Variants in DYNC1I2 observed in about 807,000 individuals in gnomAD.
The protein encoded by DYNC1I2 is dynein cytoplasmic 1 intermediate chain 2.
Under a neutral mutation model 88.6 loss-of-function variants are expected in DYNC1I2, and 53 were observed. The ratio of observed to expected loss-of-function variants is 0.60; its 90% confidence interval spans 0.48 to 0.75. DYNC1I2 has a LOEUF of 0.75. DYNC1I2 is among the 30% of genes least tolerant of loss of function. DYNC1I2 has a pLI of 0.00. For missense variants in DYNC1I2, 458 were observed against 766.6 expected (o/e 0.60, Z 4.75); for synonymous variants, 198 against 254.6 (o/e 0.78, Z 2.12).
intron 7 of DYNC1I2, among the ~76,000 whole-genome samples, chr2:171,721,819 A>G (rs1024705935): frequency 1.3e-5 from 2 of 152,184 alleles, no homozygotes; most frequent in African/African-American, 2.4e-5. Flanking sequence ...GACAACAAAC[A>G]TATTTCCTAA....
intron 15 of DYNC1I2, among the ~76,000 whole-genome samples, chr2:171,736,093 A>G (rs1285492461): frequency 6.6e-6 from 1 of 152,210 alleles, no homozygotes; most frequent in Non-Finnish European, 1.5e-5. Context: ...GCATTAAAAC[A>G]GGGTTAAAAG....
At chr2:171,700,642 G>GT (rs1010451217) in intron 3 of DYNC1I2, among the ~76,000 whole-genome samples, 5 of 143,026 alleles carry the variant, frequency 3.5e-5, no homozygotes, top group African/African-American at 1.4e-4. Flanking sequence ...TTTGTTTTTT[G>GT]TTTTTTTGAG....
chr2:171,707,550 G>T (rs556946911), intron 5 of DYNC1I2, among the ~76,000 whole-genome samples, 173 bp downstream of exon 5: 7 of 150,704 alleles, frequency 4.6e-5, no homozygotes, highest in East Asian at 1.9e-4. Flanking sequence ...AGGTTTCTTT[G>T]TTTTTTTTTA....
chr2:171,728,006 C>T (rs764662041), intron 12 of DYNC1I2, 39 bp downstream of exon 12: 2 of 1,600,950 alleles, frequency 1.2e-6, no homozygotes, highest in African/African-American at 1.3e-5. Flanking sequence ...CTTCTGTGCT[C>T]CTTCATCCTT....
intron 1 of DYNC1I2, among the ~76,000 whole-genome samples, chr2:171,689,259 T>C (rs1685204032): frequency 6.6e-6 from 1 of 152,226 alleles, no homozygotes; most frequent in Admixed American, 6.5e-5. Flanking sequence ...CAAATAATTG[T>C]ACTAAAAGTG....
In DYNC1I2 at chr2:171,729,281, TC is replaced by T. The variant is rs1346495474; in HGVS notation, c.1392-426del. 3.3e-5 allele frequency among the ~76,000 whole-genome samples: 5 copies of T among 152,176 alleles called. No homozygotes were observed. The East Asian group carries it at 7.7e-4, about 23-fold the overall frequency. On this transcript the variant is annotated intron_variant, in intron 14 of 17. Transcript: ENST00000397119. ...TTTTAAACTGAGTAATATTTCTCCT[TC>T]CGTTCTGTCTGTTTTGAAATTGTCT...
chr2:171,728,661 A>G, intron 13 of DYNC1I2, 56 bp from the exon 14 acceptor site: 1 of 1,420,002 alleles, frequency 7.0e-7, no homozygotes, highest in Non-Finnish European at 9.3e-7. Context: ...AAGTTTTTCT[A>G]CAGAAATTTA....
chr2:171,708,026 A>T (rs1318249807), intron 5 of DYNC1I2, among the ~76,000 whole-genome samples: 2 of 151,550 alleles, frequency 1.3e-5, no homozygotes, highest in African/African-American at 4.8e-5. Flanking sequence ...TTCAAAGATC[A>T]TATTGGGAAA....
intron 15 of DYNC1I2, among the ~76,000 whole-genome samples, chr2:171,743,651 T>C (rs1689596473): frequency 2.0e-5 from 3 of 152,248 alleles, no homozygotes. Flanking sequence ...GATTCTGCTG[T>C]AGATGCTGTC....
intron 7 of DYNC1I2, 24 bp downstream of exon 7, chr2:171,715,467 T>C (rs970349121): frequency 7.0e-7 from 1 of 1,430,842 alleles, no homozygotes; most frequent in Non-Finnish European, 9.6e-7. Flanking sequence ...CTTAGTATAA[T>C]TGTCATTGAG....
At position 171,747,760 on chromosome 2, in the gene DYNC1I2, G is replaced by A. The variant is rs561420136; in HGVS notation, c.1804-16G>A. ...TTTATTTCATTGTATATAAAACATT[G>A]TCTTTCTTTTAACAGCAGATTGCTG... On this transcript the variant is annotated splice_polypyrimidine_tract_variant and intron_variant, in intron 17 of 17. Transcript: ENST00000397119. 38 of 1,556,456 alleles carry A rather than the reference G, an allele frequency of 2.4e-5. No homozygotes were observed. In the African/African-American group the frequency reaches 2.7e-4, roughly 11 times the overall value.
rs950816872 is a variant in DYNC1I2 at position 171,714,200 on chromosome 2, CCTTT to C, written c.396-1123_396-1120del. Reference sequence around the variant, plus strand: ...ATTCTTTGACTATACTTTTTTTTTCCCTTTCTTTTTTATTTCTAAACTAGAAAAG... The same window carrying C: ...ATTCTTTGACTATACTTTTTTTTTCCCTTTTTTATTTCTAAACTAGAAAAG... On this transcript the variant is annotated intron_variant, in intron 6 of 17. Transcript: ENST00000397119. 7.7e-4 allele frequency among the ~76,000 whole-genome samples: 117 copies of C among 151,102 alleles called. 1 individual carries two copies. Among genetic ancestry groups the C allele is most frequent in the South Asian group, 3.8e-3 (18 of 4,784 alleles).
rs932279118 is a variant in DYNC1I2, at chr2:171,729,926, A to G, written c.1536+73A>G. The stretch of plus-strand genomic sequence containing the variant: ...GGTGGTGATCTAATACTACATAGGA[A>G]TGATGAAAACCTTTTAAATCATAAT... On this transcript the variant is annotated intron_variant, in intron 15 of 17. Transcript: ENST00000397119. 4 of 1,531,370 alleles carry G rather than the reference A, an allele frequency of 2.6e-6. No homozygotes were observed. The African/African-American group carries it at 4.1e-5, about 16-fold the overall frequency. The allele number at this position is 1,531,370 out of a possible 1,614,324, so 94.9% of individuals were successfully genotyped here.
intron 15 of DYNC1I2, among the ~76,000 whole-genome samples, chr2:171,733,028 TCTC>T (rs1199557729): frequency 6.6e-6 from 1 of 152,140 alleles, no homozygotes; most frequent in Non-Finnish European, 1.5e-5. Context: ...TATGAGTTGT[TCTC>T]CTCTATGTGT....
At chr2:171,746,115 T>G (rs16859809) in intron 17 of DYNC1I2, among the ~76,000 whole-genome samples, 188 bp downstream of exon 17, 2,501 of 152,324 alleles carry the variant, frequency 0.016, 56 homozygotes, top group African/African-American at 0.053. Context: ...AATGTTCTGT[T>G]TCCCATGCAA....
intron 3 of DYNC1I2, among the ~76,000 whole-genome samples, chr2:171,699,614 G>GT (rs1686060396): frequency 1.3e-5 from 2 of 151,306 alleles, no homozygotes; most frequent in African/African-American, 4.9e-5. Flanking sequence ...GTGTGTGTGT[G>GT]TGTGTGTGTG....
At chr2:171,690,023 A>G in intron 1 of DYNC1I2, 124 bp from the exon 2 acceptor site, 1 of 477,676 alleles carries the variant, frequency 2.1e-6, no homozygotes, top group South Asian at 5.4e-5. Context: ...TTTTAAAAGT[A>G]AGGTTTTTGT....
At chr2:171,702,118 T>G (rs572369614) in intron 3 of DYNC1I2, among the ~76,000 whole-genome samples, 98 of 152,360 alleles carry the variant, frequency 6.4e-4, no homozygotes, top group Non-Finnish European at 1.1e-3. Context: ...ATGAGCTGAT[T>G]AACAGTTGAA....
chr2:171,714,456 T>C (rs1687347010), intron 6 of DYNC1I2, among the ~76,000 whole-genome samples: 1 of 152,172 alleles, frequency 6.6e-6, no homozygotes, highest in Admixed American at 6.5e-5. Context: ...TGTATATCCT[T>C]TTAAGGCAGC....
Sources: gnomAD v4.1 joint callset for allele counts (sites outside exome capture counted in the v4.1 genomes callset) on GRCh38, gnomAD v4.1.1 for gene constraint, MANE v1.5 for transcripts, NCBI Gene and HGNC (gene_info 2026-07-23, HGNC 2026-07-21) for gene names.